PHLDB2: variants seen among roughly 807,000 people sequenced by gnomAD.
The protein encoded by PHLDB2 is pleckstrin homology like domain family B member 2.
PHLDB2 carries 71 observed loss-of-function variants against 123.6 expected under a neutral mutation model. The ratio of observed to expected loss-of-function variants is 0.57; its 90% CI spans 0.47 to 0.70. The LOEUF (loss-of-function observed/expected upper bound fraction) is 0.70. PHLDB2 is among the 30% of genes least tolerant of loss of function. The probability of loss-of-function intolerance (pLI) is 0.00; values close to 1 mark genes in which losing one functional copy is unlikely to be tolerated. For synonymous variants in PHLDB2, 547 were observed against 541.6 expected (o/e 1.01, Z -0.14); for missense variants, 1,446 against 1,519.5 (o/e 0.95, Z 0.80).
At chr3:111,793,402 T>C (rs1253224157) in intron 1 of PHLDB2, among the ~76,000 whole-genome samples, 1 of 152,054 alleles carries the variant, frequency 6.6e-6, no homozygotes, top group Non-Finnish European at 1.5e-5. Flanking sequence ...TGGTGAACAC[T>C]GTTAGATCTG....
chr3:111,945,372 T>C lies in PHLDB2; in HGVS notation c.2487+15T>C, dbSNP rs750073837. ...CTTTAAAAGAGGTAAGCTATGATTTTACATGTCGCTTTATGTTGCCTTAGA... is the reference window on the plus strand; with the variant it reads ...CTTTAAAAGAGGTAAGCTATGATTTCACATGTCGCTTTATGTTGCCTTAGA... On this transcript the variant is annotated intron_variant, in intron 9 of 17. Coordinates refer to ENST00000431670, the MANE Select transcript of PHLDB2 (RefSeq NM_001134438.2). 2 of 1,538,750 alleles carry C rather than the reference T, an allele frequency of 1.3e-6. No homozygotes were observed. The highest frequency in any genetic ancestry group is 1.8e-6 in the Non-Finnish European group (2 of 1,114,212).
intron 1 of PHLDB2, among the ~76,000 whole-genome samples, chr3:111,797,155 C>T (rs1160819566): frequency 6.6e-6 from 1 of 152,186 alleles, no homozygotes; most frequent in Non-Finnish European, 1.5e-5. Context: ...TTTAGTTTCT[C>T]ATTATATTTA....
intron 2 of PHLDB2, among the ~76,000 whole-genome samples, chr3:111,897,901 G>C (rs183618662): frequency 1.3e-5 from 2 of 152,232 alleles, no homozygotes; most frequent in Admixed American, 6.5e-5. Flanking sequence ...AGCAAGTGAC[G>C]CAAATTTTTT....
intron 1 of PHLDB2, among the ~76,000 whole-genome samples, chr3:111,878,563 C>T (rs1229605203): frequency 6.6e-6 from 1 of 152,164 alleles, no homozygotes; most frequent in African/African-American, 2.4e-5. Flanking sequence ...TGCCTGATTG[C>T]CCTGGCCAGA....
chr3:111,799,273 A>G (rs557421087), intron 1 of PHLDB2, among the ~76,000 whole-genome samples: 5 of 152,298 alleles, frequency 3.3e-5, no homozygotes, highest in Admixed American at 2.6e-4. Flanking sequence ...TACTCTTATT[A>G]TAATGGGAGA....
chr3:111,829,989 C>T (rs2062867534), intron 1 of PHLDB2, among the ~76,000 whole-genome samples: 1 of 116,896 alleles, frequency 8.6e-6, no homozygotes, highest in Non-Finnish European at 1.5e-5. Flanking sequence ...CCAAGAATTC[C>T]TAAAAGATTT....
intron 1 of PHLDB2, among the ~76,000 whole-genome samples, chr3:111,740,608 A>G (rs1272155256): frequency 2.0e-5 from 3 of 152,186 alleles, no homozygotes; most frequent in Non-Finnish European, 4.4e-5. Flanking sequence ...AGAAGGATAG[A>G]TAACACGTAA....
chr3:111,932,191 C>A, intron 5 of PHLDB2, 78 bp from the exon 6 acceptor site: 1 of 1,439,768 alleles, frequency 6.9e-7, no homozygotes, highest in Admixed American at 2.2e-5. Flanking sequence ...TTTATGTTAT[C>A]CTTGAGAAAT....
At chr3:111,963,037 T>C (rs1028618743) in intron 13 of PHLDB2, among the ~76,000 whole-genome samples, 18 of 152,144 alleles carry the variant, frequency 1.2e-4, no homozygotes, top group African/African-American at 4.1e-4. Context: ...AAAGGAAGCT[T>C]TTTGCTATTC....
intron 12 of PHLDB2, among the ~76,000 whole-genome samples, chr3:111,955,716 T>A (rs191068174): frequency 4.1e-4 from 62 of 152,292 alleles, no homozygotes; most frequent in African/African-American, 1.4e-3. Context: ...CCTCCCAAAG[T>A]GCTGGGATTA....
chr3:111,875,376 C>G (rs2107276769), intron 1 of PHLDB2, among the ~76,000 whole-genome samples: 1 of 151,834 alleles, frequency 6.6e-6, no homozygotes, highest in East Asian at 2.0e-4. Context: ...TCTCGAACTC[C>G]CACTGTTAGG....
At chr3:111,944,051 A>C (rs2070108387) in intron 8 of PHLDB2, among the ~76,000 whole-genome samples, 1 of 152,252 alleles carries the variant, frequency 6.6e-6, no homozygotes, top group African/African-American at 2.4e-5. Context: ...ACTCCTCAAC[A>C]ATAAAAAACA....
chr3:111,915,260 T>TATA (rs1356243648), intron 3 of PHLDB2: 2 of 152,192 alleles, frequency 1.3e-5, no homozygotes, highest in African/African-American at 4.8e-5. Flanking sequence ...GGCAGTAATT[T>TATA]ATCACATGGG....
chr3:111,905,698 A>C lies in PHLDB2; in HGVS notation c.1336-7621A>C, dbSNP rs556714509. ...CTTTGGGAGGGTCACCCCATGGGTA[A>C]GCTAGGGATTCCTCAACATGTTTTG... is the stretch of plus-strand genomic sequence containing the variant. On this transcript the variant is annotated intron_variant, in intron 2 of 17. Coordinates refer to ENST00000431670, the MANE Select transcript of PHLDB2 (RefSeq NM_001134438.2). Among the ~76,000 whole-genome samples the C allele has an allele frequency of 6.6e-5, 10 of 152,314 alleles. No individual in the cohort carries two copies. The South Asian group carries it at 2.1e-3, about 32-fold the overall frequency.
chr3:111,758,298 C>T (rs1680096775), intron 1 of PHLDB2, among the ~76,000 whole-genome samples: 1 of 152,234 alleles, frequency 6.6e-6, no homozygotes, highest in African/African-American at 2.4e-5. Context: ...CTAAGCAACC[C>T]TGGGCAATGG....
rs1015753494 is a variant in PHLDB2, at chr3:111,859,605, G to A, written c.-15+29G>A. ...AGGAGGCGGCGGTGGTCGCCCGGGAGGAGGGGGTGGTGCCGACTCCGTGTG... is the reference window on the plus strand; with the variant it reads ...AGGAGGCGGCGGTGGTCGCCCGGGAAGAGGGGGTGGTGCCGACTCCGTGTG... On this transcript the variant is annotated intron_variant, in intron 1 of 17. Coordinates refer to ENST00000431670, the MANE Select transcript of PHLDB2 (RefSeq NM_001134438.2). The A allele has an allele frequency of 1.7e-5, 17 of 985,428 alleles. No homozygotes were observed. In the East Asian group the frequency reaches 1.9e-3, roughly 112 times the overall value. 61.0% of individuals were successfully genotyped at this position (985,428 alleles called of 1,614,324 possible).
At chr3:111,966,504 T>G (rs2071768057) in intron 13 of PHLDB2, 109 bp from the exon 14 acceptor site, 2 of 464,804 alleles carry the variant, frequency 4.3e-6, no homozygotes, top group Non-Finnish European at 7.1e-6. Context: ...TGACCCCATG[T>G]GTGTGTGTGT....
intron 2 of PHLDB2, among the ~76,000 whole-genome samples, chr3:111,905,425 C>T (rs567582285): frequency 1.4e-4 from 21 of 151,112 alleles, no homozygotes; most frequent in South Asian, 4.2e-4. Context: ...GGTGTGATCT[C>T]GGCTCACTGT....
Position 111,738,478 on chromosome 3 carries a change from T to C in PHLDB2, c.-49+5775T>C, listed in dbSNP as rs537178081. ...GGTTATCCACTCAGTTCAGCAACAA[T>C]CATCTACTCTTTCCCAGAAGTGTGT... On this transcript the variant is annotated intron_variant, in intron 1 of 17. Coordinates refer to the PHLDB2 transcript ENST00000393923. Among the ~76,000 whole-genome samples the C allele has an allele frequency of 7.2e-5, 11 of 152,308 alleles. No individual in the cohort carries two copies. In the East Asian group the frequency reaches 2.1e-3, roughly 29 times the overall value.
Sources: gnomAD v4.1 joint callset for allele counts (sites outside exome capture counted in the v4.1 genomes callset) on GRCh38, gnomAD v4.1.1 for gene constraint, MANE v1.5 for transcripts, NCBI Gene and HGNC (gene_info 2026-07-23, HGNC 2026-07-21) for gene names.